Variants in CNTN5 observed in about 807,000 individuals in gnomAD.
The protein encoded by CNTN5 is contactin 5.
A neutral mutation model predicts 129.1 loss-of-function variants in CNTN5; 77 were observed. The ratio of observed to expected loss-of-function variants is 0.60; its 90% CI spans 0.50 to 0.72. CNTN5 has a LOEUF of 0.72. Ranked by LOEUF, CNTN5 falls within the 30% of genes least tolerant of loss-of-function variation. The pLI is 0.00. For synonymous variants in CNTN5, 509 were observed against 465.6 expected, an observed-to-expected ratio of 1.09 and a Z score of -1.20; for missense variants, 1,478 against 1,328.8, an observed-to-expected ratio of 1.11 and a Z score of -1.75.
At chr11:100,257,457 C>T (rs1001317056) in intron 17 of CNTN5, among the ~76,000 whole-genome samples, 7 of 152,320 alleles carry the variant, frequency 4.6e-5, no homozygotes, top group South Asian at 2.1e-4. Context: ...ACTGCCTCCT[C>T]AAGTGGGTCC....
chr11:99,322,485 T>C (rs1385718666), intron 1 of CNTN5, among the ~76,000 whole-genome samples: 1 of 152,120 alleles, frequency 6.6e-6, no homozygotes, highest in Non-Finnish European at 1.5e-5. Flanking sequence ...TGGACAGGGG[T>C]GGCAAGCGGT....
At chr11:99,882,763 C>T (rs11600583) in intron 6 of CNTN5, among the ~76,000 whole-genome samples, 23,081 of 152,046 alleles carry the variant, frequency 0.15, 1,882 homozygotes, top group Non-Finnish European at 0.18. Flanking sequence ...AATTATTATT[C>T]GCTATAGTTA....
chr11:99,427,477 A>G (rs1441150539), intron 2 of CNTN5, among the ~76,000 whole-genome samples: 2 of 152,072 alleles, frequency 1.3e-5, no homozygotes, highest in African/African-American at 4.8e-5. Flanking sequence ...AAAAGTGAAA[A>G]TTTCTTGGGC....
intron 7 of CNTN5, among the ~76,000 whole-genome samples, chr11:99,950,106 C>G (rs1950637298): frequency 6.6e-6 from 1 of 152,180 alleles, no homozygotes; most frequent in Non-Finnish European, 1.5e-5. Context: ...ATACAGCCTA[C>G]TTTGTTTTAA....
chr11:99,181,517 AC>A, intron 1 of CNTN5, among the ~76,000 whole-genome samples: 1 of 152,266 alleles, frequency 6.6e-6, no homozygotes, highest in South Asian at 2.1e-4. Context: ...CGGCAACTCC[AC>A]ACATAGCCAG....
At chr11:99,326,005 CT>C (rs1377201232) in intron 2 of CNTN5, among the ~76,000 whole-genome samples, 4 of 152,186 alleles carry the variant, frequency 2.6e-5, no homozygotes, top group Admixed American at 6.5e-5. Flanking sequence ...AGGCAGACGA[CT>C]TTTATGCAGT....
chr11:99,922,104 A>G (rs1222063859), intron 7 of CNTN5, among the ~76,000 whole-genome samples: 2 of 152,224 alleles, frequency 1.3e-5, no homozygotes, highest in Non-Finnish European at 2.9e-5. Context: ...TAATGGACTC[A>G]CAGTTTCACC....
intron 9 of CNTN5, among the ~76,000 whole-genome samples, chr11:100,024,680 C>T (rs1272375807): frequency 6.6e-6 from 1 of 152,154 alleles, no homozygotes; most frequent in African/African-American, 2.4e-5. Context: ...AAAGGTGATG[C>T]TTGCAAATGC....
At chr11:99,589,638 T>A (rs1949915197) in intron 3 of CNTN5, among the ~76,000 whole-genome samples, 1 of 152,284 alleles carries the variant, frequency 6.6e-6, no homozygotes, top group African/African-American at 2.4e-5. Context: ...TGTTCATAAA[T>A]CATTATGCTT....
chr11:100,161,361 C>G (rs912046669), intron 13 of CNTN5, among the ~76,000 whole-genome samples: 1 of 151,796 alleles, frequency 6.6e-6, no homozygotes, highest in Admixed American at 6.6e-5. Context: ...AGCAGACTGA[C>G]TTGGTAAATA....
chr11:99,946,216 C>T (rs1192962091), intron 7 of CNTN5, among the ~76,000 whole-genome samples: 2 of 152,096 alleles, frequency 1.3e-5, no homozygotes, highest in Non-Finnish European at 2.9e-5. Context: ...CCTATTTCCA[C>T]AACTATAATA....
intron 3 of CNTN5, among the ~76,000 whole-genome samples, chr11:99,738,409 C>T (rs770541713): frequency 6.6e-5 from 10 of 152,180 alleles, no homozygotes; most frequent in Admixed American, 3.3e-4. Context: ...ATTGTTTAAG[C>T]CACCCAGTCT....
intron 21 of CNTN5, among the ~76,000 whole-genome samples, chr11:100,315,250 T>G (rs1404037040): frequency 1.3e-5 from 2 of 152,214 alleles, no homozygotes; most frequent in Non-Finnish European, 2.9e-5. Context: ...GCAAGGAAGC[T>G]TCCATTACAT....
chr11:99,251,267 A>G (rs1453020377), intron 1 of CNTN5, among the ~76,000 whole-genome samples: 3 of 151,986 alleles, frequency 2.0e-5, no homozygotes, highest in Non-Finnish European at 2.9e-5. Flanking sequence ...ATAATTTACT[A>G]TAAGAGAAGA....
intron 3 of CNTN5, among the ~76,000 whole-genome samples, chr11:99,729,226 G>A (rs1227218554): frequency 6.6e-6 from 1 of 152,138 alleles, no homozygotes; most frequent in Non-Finnish European, 1.5e-5. Flanking sequence ...AAAAGTGGGT[G>A]ATGGGGGTGC....
At chr11:100,056,200 C>T (rs1318648131) in intron 9 of CNTN5, among the ~76,000 whole-genome samples, 4 of 151,438 alleles carry the variant, frequency 2.6e-5, no homozygotes, top group South Asian at 2.1e-4. Context: ...TATTTTTACT[C>T]CAAGTTTTAT....
intron 3 of CNTN5, among the ~76,000 whole-genome samples, chr11:99,764,283 G>A (rs1358419032): frequency 6.6e-6 from 1 of 151,686 alleles, no homozygotes; most frequent in Non-Finnish European, 1.5e-5. Context: ...AGACTGAGGT[G>A]CTCCTGGAAG....
chr11:100,007,788 T>A (rs1289391573), intron 9 of CNTN5, among the ~76,000 whole-genome samples: 1 of 130,358 alleles, frequency 7.7e-6, no homozygotes, highest in East Asian at 2.0e-4. Context: ...CTTCAAAAAC[T>A]TTTTTTTTTT....
chr11:99,347,339 A>T (rs1937966701), intron 2 of CNTN5, among the ~76,000 whole-genome samples: 3 of 152,234 alleles, frequency 2.0e-5, no homozygotes, highest in Admixed American at 2.0e-4. Flanking sequence ...GGGCGTGGGA[A>T]GTGTTATAAA....
Sources: gnomAD v4.1 joint callset for allele counts (sites outside exome capture counted in the v4.1 genomes callset) on GRCh38, gnomAD v4.1.1 for gene constraint, MANE v1.5 for transcripts, NCBI Gene and HGNC (gene_info 2026-07-23, HGNC 2026-07-21) for gene names.